The following LNPK variants were observed in gnomAD, a reference collection of about 807,000 sequenced individuals.
LNPK encodes the protein endoplasmic reticulum junction formation protein lunapark.
LNPK carries 29 observed loss-of-function variants against 55.2 expected under a neutral mutation model. The ratio of observed to expected loss-of-function variants is 0.53; its 90% confidence interval spans 0.39 to 0.72. The LOEUF (loss-of-function observed/expected upper bound fraction) is 0.72. Among genes scored for constraint, LNPK ranks in the 30% least tolerant of loss-of-function variants. LNPK has a pLI of 0.00. For missense variants in LNPK, 467 were observed against 494.8 expected, an observed-to-expected ratio of 0.94 and a Z score of 0.53; for synonymous variants, 162 against 168.2, an observed-to-expected ratio of 0.96 and a Z score of 0.29.
intron 1 of LNPK, among the ~76,000 whole-genome samples, chr2:176,000,962 T>G (rs1688137284): frequency 1.3e-5 from 2 of 152,184 alleles, no homozygotes; most frequent in African/African-American, 4.8e-5. Flanking sequence ...AATTACTATT[T>G]GATTATAAAT....
chr2:175,932,295 A>G (rs552810187), intron 12 of LNPK: 24 of 406,890 alleles, frequency 5.9e-5, no homozygotes, highest in African/African-American at 3.3e-4. Flanking sequence ...GAAATGGTTA[A>G]TACAAGGAGG....
At chr2:175,932,312 A>C in intron 12 of LNPK, 1 of 368,028 alleles carries the variant, frequency 2.7e-6, no homozygotes, top group Non-Finnish European at 5.4e-6. Context: ...GAGGAGAACT[A>C]CAATACTGAA....
At chr2:175,951,605 A>ATATATATATATATATCTATATC (rs1441190050) in intron 8 of LNPK, among the ~76,000 whole-genome samples, 7 of 129,716 alleles carry the variant, frequency 5.4e-5, no homozygotes, top group African/African-American at 2.0e-4. Flanking sequence ...ATATATATAT[A>ATATATATATATATATCTATATC]TATATCTCAG....
chr2:175,996,844 T>C (rs1194140141), intron 1 of LNPK, among the ~76,000 whole-genome samples: 2 of 152,232 alleles, frequency 1.3e-5, no homozygotes, highest in Non-Finnish European at 2.9e-5. Context: ...ATCAACTTAC[T>C]GGACAATGAT....
At chr2:175,930,468 T>A (rs1330671286) in intron 12 of LNPK, among the ~76,000 whole-genome samples, 1 of 151,630 alleles carries the variant, frequency 6.6e-6, no homozygotes, top group Non-Finnish European at 1.5e-5. Flanking sequence ...CATATTTTCA[T>A]ACAAAATAAG....
At chr2:175,952,894 A>T (rs1424668720) in intron 8 of LNPK, among the ~76,000 whole-genome samples, 1 of 152,092 alleles carries the variant, frequency 6.6e-6, no homozygotes, top group Non-Finnish European at 1.5e-5. Flanking sequence ...GCTAGGAACC[A>T]TGCTAGGCAC....
intron 9 of LNPK, among the ~76,000 whole-genome samples, chr2:175,945,634 T>C (rs1685089246): frequency 6.6e-6 from 1 of 152,050 alleles, no homozygotes. Context: ...CATTATCAAA[T>C]TTTCAACTTG....
chr2:175,998,846 T>C (rs1223771650), intron 1 of LNPK, among the ~76,000 whole-genome samples: 1 of 152,242 alleles, frequency 6.6e-6, no homozygotes, highest in Admixed American at 6.5e-5. Context: ...ACAGCCTTTA[T>C]TTGTTTACTG....
upstream of LNPK, chr2:176,002,343 G>T: frequency 4.8e-6 from 2 of 416,228 alleles, no homozygotes; most frequent in South Asian, 1.7e-5. Context: ...GGCGCGCGCC[G>T]CTCCCCCGTC....
chr2:175,993,513 T>C (rs1026816562), intron 2 of LNPK, among the ~76,000 whole-genome samples: 9 of 152,170 alleles, frequency 5.9e-5, no homozygotes, highest in South Asian at 2.1e-4. Flanking sequence ...AACACACCGT[T>C]CTAGAAAGAA....
At chr2:175,977,616 AAG>A (rs1242170772) in intron 5 of LNPK, among the ~76,000 whole-genome samples, 1 of 152,194 alleles carries the variant, frequency 6.6e-6, no homozygotes, top group African/African-American at 2.4e-5. Context: ...TGTATGAGAA[AAG>A]AGAGCTGATT....
intron 9 of LNPK, 80 bp from the exon 10 acceptor site, chr2:175,939,737 A>C: frequency 8.0e-6 from 5 of 622,550 alleles, no homozygotes; most frequent in Non-Finnish European, 1.1e-5. Flanking sequence ...AGAACTACCT[A>C]TACTTGTTAG....
intron 2 of LNPK, 28 bp from the exon 3 acceptor site, chr2:175,993,251 G>T: frequency 1.4e-6 from 2 of 1,427,068 alleles, no homozygotes; most frequent in Non-Finnish European, 1.9e-6. Context: ...ACAAGAGACA[G>T]CATTAAAACT....
At position 175,995,662 on chromosome 2, in the gene LNPK, G is replaced by A. The variant is rs150381584; in HGVS notation, c.-62-16C>T. 4.3e-4 allele frequency: 536 copies of A among 1,257,496 alleles called. 1 individual carries two copies. In the African/African-American group the frequency reaches 7.5e-3, roughly 18 times the overall value. 77.9% of individuals were successfully genotyped at this position (1,257,496 alleles called of 1,614,324 possible). A position where few individuals can be genotyped will look rare whatever the true frequency, so the allele number is the denominator to read the frequency against. On this transcript the variant is annotated splice_polypyrimidine_tract_variant and intron_variant, in intron 1 of 12. Coordinates refer to ENST00000272748, the MANE Select transcript of LNPK (RefSeq NM_030650.3). ...GAATTCACAGCTAGAAATAAAGCAAGTATTTAAAATGTTAAGTTAAACACA... is the reference window on the plus strand; with the variant it reads ...GAATTCACAGCTAGAAATAAAGCAAATATTTAAAATGTTAAGTTAAACACA...
At chr2:175,972,991 G>C (rs1393941654) in intron 5 of LNPK, among the ~76,000 whole-genome samples, 1 of 152,126 alleles carries the variant, frequency 6.6e-6, no homozygotes, top group Non-Finnish European at 1.5e-5. Flanking sequence ...TAATGCATCT[G>C]CTACAAATTT....
At chr2:175,936,208 T>C (rs17394360) in intron 12 of LNPK, among the ~76,000 whole-genome samples, 7,506 of 152,260 alleles carry the variant, frequency 0.049, 261 homozygotes, top group Middle Eastern at 0.12. Flanking sequence ...TACAGGCCTC[T>C]GTCATAGCTA....
chr2:175,971,980 A>G (rs1686683674), intron 5 of LNPK, among the ~76,000 whole-genome samples: 1 of 152,124 alleles, frequency 6.6e-6, no homozygotes, highest in Non-Finnish European at 1.5e-5. Context: ...GTGCAGTGGC[A>G]TGATCTCGGC....
chr2:175,936,790 T>C lies in LNPK; in HGVS notation c.1054+554A>G, dbSNP rs145877585. 5.6e-4 allele frequency among the ~76,000 whole-genome samples: 85 copies of C among 152,288 alleles called. 3 individuals are homozygous for C. The East Asian group carries it at 0.015, about 27-fold the overall frequency. On this transcript the variant is annotated intron_variant, in intron 12 of 12. Coordinates refer to ENST00000272748, the MANE Select transcript of LNPK (RefSeq NM_030650.3). The stretch of plus-strand genomic sequence containing the variant: ...CTCTAAAATAAGGTTGATTTTTACA[T>C]CAAAGGCAATGTTAATCTTCTGAAC...
upstream of LNPK, chr2:176,002,519 C>T (rs1009480293): frequency 1.5e-5 from 3 of 203,534 alleles, no homozygotes; most frequent in African/African-American, 7.2e-5. Context: ...TACTCTTCCG[C>T]TGCCTCCTTT....
Sources: gnomAD v4.1 joint callset for allele counts (sites outside exome capture counted in the v4.1 genomes callset) on GRCh38, gnomAD v4.1.1 for gene constraint, MANE v1.5 for transcripts, NCBI Gene and HGNC (gene_info 2026-07-23, HGNC 2026-07-21) for gene names.